Variants in FAM184A observed in about 807,000 individuals in gnomAD.
FAM184A encodes protein FAM184A.
Under a neutral mutation model 143.8 loss-of-function variants are expected in FAM184A, and 99 were observed. That is an observed-to-expected ratio of 0.69 (90% CI 0.58 to 0.81). The LOEUF (loss-of-function observed/expected upper bound fraction) is 0.81. Ranked by LOEUF, FAM184A falls within the 40% of genes least tolerant of loss-of-function variation. FAM184A has a pLI of 0.00. For synonymous variants in FAM184A, 427 were observed against 446.4 expected, an observed-to-expected ratio of 0.96 and a Z score of 0.55; for missense variants, 1,217 against 1,310.5, an observed-to-expected ratio of 0.93 and a Z score of 1.10.
intron 1 of FAM184A, among the ~76,000 whole-genome samples, chr6:119,105,491 C>G (rs1251414963): frequency 2.0e-5 from 3 of 152,188 alleles, no homozygotes; most frequent in Admixed American, 1.3e-4. Context: ...TGCCTTCCAC[C>G]ATGATTCAGT....
intron 1 of FAM184A, among the ~76,000 whole-genome samples, chr6:119,138,280 C>T (rs1429638348): frequency 6.6e-6 from 1 of 152,170 alleles, no homozygotes; most frequent in Non-Finnish European, 1.5e-5. Flanking sequence ...TTTTCAATTT[C>T]CTTCCTTTGT....
chr6:118,971,728 T>G (rs1439829782), intron 14 of FAM184A, among the ~76,000 whole-genome samples: 1 of 152,222 alleles, frequency 6.6e-6, no homozygotes, highest in Non-Finnish European at 1.5e-5. Flanking sequence ...ATAATCATCA[T>G]CCATAAGCAA....
intron 1 of FAM184A, among the ~76,000 whole-genome samples, chr6:119,046,185 T>C (rs1299924551): frequency 6.6e-6 from 1 of 151,662 alleles, no homozygotes; most frequent in East Asian, 1.9e-4. Context: ...TTGGAATTGG[T>C]AAGTAAGATA....
At chr6:119,122,635 C>T (rs1380958529) in intron 1 of FAM184A, among the ~76,000 whole-genome samples, 2 of 152,026 alleles carry the variant, frequency 1.3e-5, no homozygotes, top group Non-Finnish European at 2.9e-5. Context: ...CAAAAAATGG[C>T]ATTGGGAGGG....
intron 7 of FAM184A, among the ~76,000 whole-genome samples, chr6:119,004,809 C>T (rs753197335): frequency 2.0e-5 from 3 of 151,842 alleles, no homozygotes; most frequent in South Asian, 2.1e-4. Flanking sequence ...GACAGAAGTA[C>T]GATGTAAATA....
chr6:119,115,137 C>T (rs770579407), intron 1 of FAM184A, among the ~76,000 whole-genome samples: 27 of 152,160 alleles, frequency 1.8e-4, no homozygotes, highest in Non-Finnish European at 3.5e-4. Context: ...CAAAATATTT[C>T]TGATGGTCTT....
At chr6:119,082,277 GGAGACACA>G (rs943681249), upstream of FAM184A, among the ~76,000 whole-genome samples, 5 of 152,282 alleles carry the variant, frequency 3.3e-5, no homozygotes, top group Admixed American at 3.3e-4. Context: ...AGATTTGAGT[GGAGACACA>G]GAGCCAAATC....
chr6:119,107,597 T>C (rs533614817), intron 1 of FAM184A, among the ~76,000 whole-genome samples: 44 of 151,946 alleles, frequency 2.9e-4, no homozygotes, highest in Admixed American at 1.0e-3. Flanking sequence ...ATAATTTGTC[T>C]CTAATAAAAA....
At chr6:119,121,596 A>C (rs570055762) in intron 1 of FAM184A, among the ~76,000 whole-genome samples, 3 of 152,322 alleles carry the variant, frequency 2.0e-5, no homozygotes, top group Non-Finnish European at 4.4e-5. Context: ...ATCTTTTCTT[A>C]TTTATAAATA....
At chr6:118,998,380 T>C (rs1158169515) in intron 9 of FAM184A, among the ~76,000 whole-genome samples, 1 of 152,254 alleles carries the variant, frequency 6.6e-6, no homozygotes, top group African/African-American at 2.4e-5. Flanking sequence ...GCCAAGTGCT[T>C]ACTATGTGCC....
At chr6:119,052,693 C>T (rs1786812458) in intron 1 of FAM184A, among the ~76,000 whole-genome samples, 1 of 152,212 alleles carries the variant, frequency 6.6e-6, no homozygotes, top group Admixed American at 6.5e-5. Context: ...CTGGCAGCCA[C>T]TTTCACCAAA....
At chr6:119,107,777 CAAAAAA>C (rs71556825) in intron 1 of FAM184A, among the ~76,000 whole-genome samples, 27 of 100,836 alleles carry the variant, frequency 2.7e-4, no homozygotes, top group Non-Finnish European at 4.1e-4. Context: ...GACTTTGTCT[CAAAAAA>C]AAAAAAAAAA....
intron 1 of FAM184A, chr6:119,025,735 T>C (rs1785609962): frequency 2.4e-6 from 1 of 419,230 alleles, no homozygotes; most frequent in Non-Finnish European, 4.6e-6. Flanking sequence ...CCCACTTTCT[T>C]CCCCCGGAAG....
intron 14 of FAM184A, among the ~76,000 whole-genome samples, chr6:118,973,943 AAAAG>A (rs1783771620): frequency 6.6e-6 from 1 of 152,150 alleles, no homozygotes; most frequent in African/African-American, 2.4e-5. Context: ...ATATAAAATA[AAAAG>A]AAAGAATTGC....
At chr6:118,995,277 T>G (rs1784512096) in intron 9 of FAM184A, among the ~76,000 whole-genome samples, 1 of 151,638 alleles carries the variant, frequency 6.6e-6, no homozygotes, top group African/African-American at 2.4e-5. Context: ...ATTAACTGAG[T>G]GTGGTGATAC....
chr6:119,098,913 C>T (rs1397804472), intron 1 of FAM184A, among the ~76,000 whole-genome samples: 3 of 152,050 alleles, frequency 2.0e-5, no homozygotes, highest in South Asian at 2.1e-4. Flanking sequence ...AGTGGGAGAC[C>T]GGCCTGACCA....
At chr6:119,040,075 A>C (rs1786265308) in intron 1 of FAM184A, among the ~76,000 whole-genome samples, 1 of 152,158 alleles carries the variant, frequency 6.6e-6, no homozygotes, top group Non-Finnish European at 1.5e-5. Context: ...TTCTCTCTTT[A>C]ATCTTCATAT....
chr6:119,123,128 C>T (rs1287663524), intron 1 of FAM184A, among the ~76,000 whole-genome samples: 2 of 151,368 alleles, frequency 1.3e-5, no homozygotes, highest in African/African-American at 4.9e-5. Context: ...TGGTTCACAC[C>T]GGTAATCCCA....
intron 1 of FAM184A, among the ~76,000 whole-genome samples, chr6:119,101,692 A>C (rs1788641095): frequency 6.6e-6 from 1 of 152,194 alleles, no homozygotes; most frequent in East Asian, 1.9e-4. Flanking sequence ...TTTTGTATTC[A>C]TATCCCTTGC....
Sources: gnomAD v4.1 joint callset for allele counts (sites outside exome capture counted in the v4.1 genomes callset) on GRCh38, gnomAD v4.1.1 for gene constraint, MANE v1.5 for transcripts, NCBI Gene and HGNC (gene_info 2026-07-23, HGNC 2026-07-21) for gene names.